CDH18: variants seen among roughly 807,000 people sequenced by gnomAD.
The protein encoded by CDH18 is cadherin-18.
In CDH18, 31 loss-of-function variants were observed where a neutral mutation model predicts 67.9. The ratio of observed to expected loss-of-function variants is 0.46; its 90% CI spans 0.34 to 0.62. The LOEUF is 0.62. CDH18 is among the 20% of genes least tolerant of loss of function. The pLI, the probability that CDH18 is intolerant of heterozygous loss-of-function variation, is 0.01. For missense variants in CDH18, 890 were observed against 975.5 expected, an observed-to-expected ratio of 0.91 and a Z score of 1.17; for synonymous variants, 362 against 347.2, an observed-to-expected ratio of 1.04 and a Z score of -0.48.
chr5:20,409,953 A>T (rs1746627387), intron 1 of CDH18, among the ~76,000 whole-genome samples: 1 of 151,768 alleles, frequency 6.6e-6, no homozygotes, highest in South Asian at 2.1e-4. Flanking sequence ...AGAAATAGAA[A>T]ATCTAAATGG....
chr5:19,528,837 T>C (rs143998238), intron 9 of CDH18, among the ~76,000 whole-genome samples: 20 of 152,090 alleles, frequency 1.3e-4, no homozygotes, highest in African/African-American at 4.3e-4. Context: ...ATCTCTTTTA[T>C]GAAGTCTTGG....
At chr5:19,715,231 AC>A (rs1204773889) in intron 5 of CDH18, among the ~76,000 whole-genome samples, 1 of 152,214 alleles carries the variant, frequency 6.6e-6, no homozygotes, top group Non-Finnish European at 1.5e-5. Context: ...GTAATAGAGA[AC>A]CAAAAAATGT....
intron 2 of CDH18, among the ~76,000 whole-genome samples, chr5:20,208,842 C>T (rs1213188028): frequency 6.6e-6 from 1 of 151,842 alleles, no homozygotes; most frequent in African/African-American, 2.4e-5. Flanking sequence ...GACTAATAAC[C>T]AGAATATATA....
intron 2 of CDH18, among the ~76,000 whole-genome samples, chr5:19,922,381 A>C (rs529036218): frequency 2.0e-5 from 3 of 152,344 alleles, no homozygotes; most frequent in Admixed American, 2.0e-4. Context: ...AAACATGATC[A>C]AAATGTTCAC....
Position 19,994,732 on chromosome 5 carries a change from TATATATAGAGAGAGAGAGAGAGAG to T in CDH18, c.-517-2742_-517-2719del, listed in dbSNP as rs1271479850. On this transcript the variant is annotated intron_variant, in intron 2 of 14. Coordinates refer to the CDH18 transcript ENST00000507958. ...ATATATATATATATATATATATATATATATATAGAGAGAGAGAGAGAGAGAGAGAGAGAGAGAGAGAGAGAGAGA... is the reference window on the plus strand; with the variant it reads ...ATATATATATATATATATATATATATAGAGAGAGAGAGAGAGAGAGAGAGA... Among the ~76,000 whole-genome samples the T allele has an allele frequency of 1.7e-3, 21 of 12,526 alleles. 1 individual carries two copies. Among genetic ancestry groups the T allele is most frequent in the African/African-American group, 5.1e-3 (15 of 2,954 alleles). The allele number at this position is 12,526 out of a possible 152,430, so 8.2% of individuals were successfully genotyped here.
At chr5:19,920,893 G>GCACA (rs70954622) in intron 2 of CDH18, among the ~76,000 whole-genome samples, 1,612 of 146,148 alleles carry the variant, frequency 0.011, 15 homozygotes, top group African/African-American at 0.021. Context: ...ACCCACAAGA[G>GCACA]CACACACACA....
intron 5 of CDH18, among the ~76,000 whole-genome samples, chr5:19,640,331 T>C (rs550673333): frequency 6.6e-6 from 1 of 152,290 alleles, no homozygotes; most frequent in South Asian, 2.1e-4. Context: ...AAGGGTATTA[T>C]ATGTGGGTGA....
At chr5:19,882,798 T>G (rs953648576) in intron 2 of CDH18, among the ~76,000 whole-genome samples, 1 of 152,140 alleles carries the variant, frequency 6.6e-6, no homozygotes, top group Non-Finnish European at 1.5e-5. Context: ...TACGTATGTA[T>G]GATTATGGAA....
At chr5:20,240,061 T>G (rs542484151) in intron 2 of CDH18, among the ~76,000 whole-genome samples, 55 of 152,164 alleles carry the variant, frequency 3.6e-4, no homozygotes, top group Non-Finnish European at 6.6e-4. Context: ...GAATAATATG[T>G]AAATGATGAG....
chr5:19,747,389 G>GT (rs373293236), intron 3 of CDH18, among the ~76,000 whole-genome samples, 153 bp from the exon 4 acceptor site: 17,320 of 142,768 alleles, frequency 0.12, 1,066 homozygotes, highest in Admixed American at 0.16. Context: ...CTTTTCTGCA[G>GT]TTTTTTTTTT....
At chr5:20,430,519 G>T (rs1303260036) in intron 1 of CDH18, among the ~76,000 whole-genome samples, 1 of 152,144 alleles carries the variant, frequency 6.6e-6, no homozygotes, top group Non-Finnish European at 1.5e-5. Flanking sequence ...TTGGAAAGTT[G>T]CTTACCATCT....
chr5:20,537,991 T>C (rs1372125287), intron 1 of CDH18, among the ~76,000 whole-genome samples: 1 of 152,150 alleles, frequency 6.6e-6, no homozygotes, highest in East Asian at 1.9e-4. Context: ...AATCTTCTCT[T>C]TGTATTTTAG....
At chr5:19,789,543 A>G (rs965214230) in intron 3 of CDH18, among the ~76,000 whole-genome samples, 1 of 152,218 alleles carries the variant, frequency 6.6e-6, no homozygotes, top group Non-Finnish European at 1.5e-5. Context: ...GCTACATCTT[A>G]TAGACAAAAC....
chr5:20,055,675 G>A (rs1741835719), intron 2 of CDH18, among the ~76,000 whole-genome samples: 1 of 152,214 alleles, frequency 6.6e-6, no homozygotes, highest in Non-Finnish European at 1.5e-5. Flanking sequence ...TTTCAGAGAT[G>A]TAGTTCCTAT....
At chr5:19,709,835 C>G (rs920938593) in intron 5 of CDH18, among the ~76,000 whole-genome samples, 1 of 151,700 alleles carries the variant, frequency 6.6e-6, no homozygotes, top group Non-Finnish European at 1.5e-5. Context: ...AAAACATAAA[C>G]CTTAAAACCA....
intron 1 of CDH18, among the ~76,000 whole-genome samples, chr5:20,338,790 G>T (rs748308015): frequency 6.6e-6 from 1 of 152,176 alleles, no homozygotes; most frequent in Non-Finnish European, 1.5e-5. Context: ...CCCTTCCATT[G>T]AGGTTTTTGG....
chr5:19,921,488 T>G (rs543159237), intron 2 of CDH18, among the ~76,000 whole-genome samples: 147 of 144,990 alleles, frequency 1.0e-3, no homozygotes, highest in East Asian at 2.7e-3. Context: ...CCGAGATCGC[T>G]CCACTGCACT....
intron 2 of CDH18, among the ~76,000 whole-genome samples, chr5:20,232,942 A>T (rs1742186467): frequency 6.6e-6 from 1 of 151,958 alleles, no homozygotes; most frequent in Non-Finnish European, 1.5e-5. Flanking sequence ...TCAAATAGCC[A>T]ACCAGATTAT....
At chr5:19,534,162 A>G (rs543858328) in intron 9 of CDH18, among the ~76,000 whole-genome samples, 1 of 152,280 alleles carries the variant, frequency 6.6e-6, no homozygotes, top group East Asian at 1.9e-4. Flanking sequence ...ACCATGAGCA[A>G]TAATAAAAAT....
Sources: gnomAD v4.1 joint callset for allele counts (sites outside exome capture counted in the v4.1 genomes callset) on GRCh38, gnomAD v4.1.1 for gene constraint, MANE v1.5 for transcripts, NCBI Gene and HGNC (gene_info 2026-07-23, HGNC 2026-07-21) for gene names.